FRMD5: variants seen among roughly 807,000 people sequenced by gnomAD.
FRMD5 encodes FERM domain-containing protein 5.
In FRMD5, 20 loss-of-function variants were observed where a neutral mutation model predicts 69.0. The observed-to-expected ratio is 0.29, with a 90% CI of 0.20 to 0.42. FRMD5 has a LOEUF of 0.42. Among genes scored for constraint, FRMD5 ranks in the 10% least tolerant of loss-of-function variants. The probability of loss-of-function intolerance (pLI) is 1.00; values close to 1 mark genes in which losing one functional copy is unlikely to be tolerated. For missense variants in FRMD5, 595 were observed against 708.6 expected, an observed-to-expected ratio of 0.84 and a Z score of 1.82; for synonymous variants, 271 against 260.1, an observed-to-expected ratio of 1.04 and a Z score of -0.40.
chr15:44,143,183 G>GCACCTATCC (rs1396136715), intron 1 of FRMD5, among the ~76,000 whole-genome samples: 5 of 152,104 alleles, frequency 3.3e-5, no homozygotes, highest in African/African-American at 1.2e-4. Flanking sequence ...AAAACATGGG[G>GCACCTATCC]CACCTATCCC....
At chr15:44,125,542 C>A (rs1249888719) in intron 1 of FRMD5, among the ~76,000 whole-genome samples, 3 of 152,016 alleles carry the variant, frequency 2.0e-5, no homozygotes, top group African/African-American at 7.2e-5. Context: ...TACCTCAGGG[C>A]CTATGGAATT....
At chr15:43,962,965 G>A (rs368861682) in intron 1 of FRMD5, among the ~76,000 whole-genome samples, 4 of 152,058 alleles carry the variant, frequency 2.6e-5, no homozygotes, top group Admixed American at 6.6e-5. Context: ...AGAAGAAAAC[G>A]TAGGCAATAC....
intron 2 of FRMD5, 95 bp from the exon 3 acceptor site, chr15:43,919,904 C>G: frequency 8.6e-7 from 1 of 1,165,462 alleles, no homozygotes; most frequent in Non-Finnish European, 1.3e-6. Context: ...CAGATTGTAG[C>G]CTAGGGTGAA....
At chr15:44,159,944 C>T (rs2077587156) in intron 1 of FRMD5, among the ~76,000 whole-genome samples, 1 of 152,182 alleles carries the variant, frequency 6.6e-6, no homozygotes, top group Non-Finnish European at 1.5e-5. Context: ...CTCAGTAGTA[C>T]CTTCAGTGAG....
chr15:43,874,399 G>A lies in FRMD5; in HGVS notation c.1199C>T (p.Thr400Ile). Residue 400 changes from threonine to isoleucine, a missense_variant, in exon 14 of 14, where the codon ACC (threonine) becomes ATC (isoleucine). Thr to Ile is a moderately conservative substitution (Grantham distance 89). Coordinates refer to ENST00000417257, the MANE Select transcript of FRMD5 (RefSeq NM_032892.5). ...TPVRSTSHGD[T>I]FLPHVRSSRT... Reference sequence around the variant, plus strand: ...GCTGCTTCTCACGTGAGGCAGGAAGGTGTCCCCATGGGAAGTGGAACGCAC... The same window carrying A: ...GCTGCTTCTCACGTGAGGCAGGAAGATGTCCCCATGGGAAGTGGAACGCAC... 5.6e-6 allele frequency: 9 copies of A among 1,614,200 alleles called. No homozygotes were observed. Among genetic ancestry groups the A allele is most frequent in the African/African-American group, 1.3e-5 (1 of 75,046 alleles).
At chr15:44,115,642 T>C (rs2076857771) in intron 1 of FRMD5, among the ~76,000 whole-genome samples, 1 of 152,024 alleles carries the variant, frequency 6.6e-6, no homozygotes, top group Admixed American at 6.5e-5. Flanking sequence ...TCCAGTAAAA[T>C]GAAATACTTA....
intron 1 of FRMD5, among the ~76,000 whole-genome samples, chr15:43,932,115 A>AT (rs1490723770): frequency 2.0e-5 from 3 of 152,358 alleles, no homozygotes; most frequent in African/African-American, 7.2e-5. Context: ...CAAAATATAC[A>AT]TAAAAACCCT....
intron 1 of FRMD5, among the ~76,000 whole-genome samples, chr15:44,129,502 A>G (rs939983527): frequency 2.0e-5 from 3 of 152,168 alleles, no homozygotes; most frequent in Non-Finnish European, 4.4e-5. Context: ...TTATCCTGTC[A>G]TCTATATCTC....
In FRMD5 at chr15:44,114,919, C is replaced by A. The variant is rs1223114228; in HGVS notation, c.102+80034G>T. On this transcript the variant is annotated intron_variant, in intron 1 of 13. Transcript: ENST00000417257. ...AGGGCAGCCACTACTCAGCACTGGT[C>A]ATTTACTGCCACAGAGGAATGTGGA... Among the ~76,000 whole-genome samples, 9 of 152,284 alleles carry A rather than the reference C, an allele frequency of 5.9e-5. No homozygotes were observed. The East Asian group carries it at 1.7e-3, about 29-fold the overall frequency.
intron 1 of FRMD5, among the ~76,000 whole-genome samples, chr15:43,937,453 C>T (rs2089780036): frequency 6.6e-6 from 1 of 152,032 alleles, no homozygotes; most frequent in South Asian, 2.1e-4. Context: ...GCCTGGCTAA[C>T]ATGGCAAAAC....
intron 1 of FRMD5, among the ~76,000 whole-genome samples, chr15:44,009,201 C>G (rs906603759): frequency 3.3e-5 from 5 of 152,206 alleles, no homozygotes; most frequent in African/African-American, 1.2e-4. Flanking sequence ...TCAGCTCACA[C>G]TATCTCTTCT....
intron 7 of FRMD5, among the ~76,000 whole-genome samples, chr15:43,901,713 A>G (rs964584334): frequency 2.0e-5 from 3 of 152,194 alleles, no homozygotes; most frequent in Non-Finnish European, 2.9e-5. Context: ...GTTCTCGTCT[A>G]TCCCTCACAG....
chr15:43,914,241 C>T (rs1197186986), intron 4 of FRMD5, among the ~76,000 whole-genome samples: 3 of 152,146 alleles, frequency 2.0e-5, no homozygotes. Flanking sequence ...CTGGAAAGCA[C>T]TGGAGGCTCC....
intron 1 of FRMD5, among the ~76,000 whole-genome samples, chr15:44,144,729 T>C (rs1454249531): frequency 6.6e-6 from 1 of 152,240 alleles, no homozygotes; most frequent in Non-Finnish European, 1.5e-5. Context: ...GCCATTGTTA[T>C]ACTTAAGATT....
At chr15:44,132,536 T>G (rs1226349635) in intron 1 of FRMD5, among the ~76,000 whole-genome samples, 2 of 152,046 alleles carry the variant, frequency 1.3e-5, no homozygotes, top group East Asian at 1.9e-4. Context: ...TCAAGTGATC[T>G]TCCCACCTCA....
At chr15:43,922,447 G>A (rs1017869208) in intron 2 of FRMD5, among the ~76,000 whole-genome samples, 6 of 152,202 alleles carry the variant, frequency 3.9e-5, no homozygotes, top group African/African-American at 1.4e-4. Context: ...AGCCTGGCAA[G>A]CAGTAGGAAC....
intron 1 of FRMD5, among the ~76,000 whole-genome samples, chr15:44,069,774 G>A (rs766688092): frequency 1.3e-5 from 2 of 152,128 alleles, no homozygotes; most frequent in South Asian, 2.1e-4. Flanking sequence ...ATATTGTGCT[G>A]CAGTTTTGCA....
chr15:44,194,888 C>T (rs920518824), intron 1 of FRMD5, 65 bp downstream of exon 1: 3 of 1,394,558 alleles, frequency 2.2e-6, no homozygotes, highest in Admixed American at 2.0e-5. Flanking sequence ...CCGCCGCCGG[C>T]CAAGTTGACC....
At chr15:44,133,469 G>T (rs541298499) in intron 1 of FRMD5, among the ~76,000 whole-genome samples, 1 of 148,718 alleles carries the variant, frequency 6.7e-6, no homozygotes, top group Admixed American at 6.7e-5. Flanking sequence ...CCAGCTACTT[G>T]GGAGGCTGAG....
Sources: allele counts gnomAD v4.1 joint callset (sites outside exome capture counted in the v4.1 genomes callset), GRCh38; gene constraint gnomAD v4.1.1; transcripts MANE v1.5; gene names NCBI Gene and HGNC (gene_info 2026-07-23, HGNC 2026-07-21).